RBFOX1: variants seen among roughly 807,000 people sequenced by gnomAD.
The protein encoded by RBFOX1 is RNA binding fox-1 homolog 1, also known as RNA binding protein fox-1 homolog 1.
In RBFOX1, 8 loss-of-function variants were observed where a neutral mutation model predicts 57.7. That is an observed-to-expected ratio of 0.14 (90% CI 0.08 to 0.25). RBFOX1 has a LOEUF of 0.25. Among genes scored for constraint, RBFOX1 ranks in the 10% least tolerant of loss-of-function variants. The pLI is 1.00. For synonymous variants in RBFOX1, 326 were observed against 222.4 expected, an observed-to-expected ratio of 1.47 and a Z score of -4.15; for missense variants, 611 against 548.5, an observed-to-expected ratio of 1.11 and a Z score of -1.14.
At chr16:6,844,570 T>A (rs1031405592) in intron 3 of RBFOX1, among the ~76,000 whole-genome samples, 2 of 152,146 alleles carry the variant, frequency 1.3e-5, no homozygotes, top group African/African-American at 4.8e-5. Context: ...CTTTTTTTTT[T>A]ATCCAGTCTT....
intron 4 of RBFOX1, among the ~76,000 whole-genome samples, chr16:7,183,172 G>A (rs1227356365): frequency 6.6e-6 from 1 of 152,188 alleles, no homozygotes; most frequent in Non-Finnish European, 1.5e-5. Flanking sequence ...AGAGTGGGTT[G>A]AGTCAGATAG....
intron 1 of RBFOX1, among the ~76,000 whole-genome samples, chr16:6,029,941 G>T (rs1204808036): frequency 6.6e-6 from 1 of 152,094 alleles, no homozygotes; most frequent in Non-Finnish European, 1.5e-5. Context: ...GAGACAGAGA[G>T]TCTCATTTGT....
chr16:6,921,680 G>C (rs1284128860), intron 3 of RBFOX1, among the ~76,000 whole-genome samples: 2 of 149,682 alleles, frequency 1.3e-5, no homozygotes, highest in Non-Finnish European at 3.0e-5. Context: ...TCAATCAATA[G>C]ACAGTATGGC....
chr16:7,365,401 A>T (rs564315933), intron 4 of RBFOX1, among the ~76,000 whole-genome samples: 1 of 152,354 alleles, frequency 6.6e-6, no homozygotes, highest in African/African-American at 2.4e-5. Context: ...ATAGCCAGGC[A>T]GGACAAAAGA....
intron 1 of RBFOX1, among the ~76,000 whole-genome samples, chr16:6,085,556 A>G (rs542533349): frequency 6.6e-6 from 1 of 152,188 alleles, no homozygotes; most frequent in Non-Finnish European, 1.5e-5. Context: ...GGCGTGAGCC[A>G]CTGTGCCCGA....
intron 3 of RBFOX1, among the ~76,000 whole-genome samples, chr16:6,856,089 ACCCTT>A (rs776613731): frequency 2.0e-5 from 3 of 149,476 alleles, no homozygotes; most frequent in Non-Finnish European, 1.5e-5. Flanking sequence ...TGAAATGAAG[ACCCTT>A]CCCTTCCCTT....
At chr16:7,146,732 T>C (rs1600947576) in intron 4 of RBFOX1, among the ~76,000 whole-genome samples, 1 of 151,708 alleles carries the variant, frequency 6.6e-6, no homozygotes, top group East Asian at 2.0e-4. Flanking sequence ...ACAGATCACT[T>C]GAGCCCAGGA....
At chr16:5,270,438 A>C (rs2062975822) in intron 1 of RBFOX1, 1 of 925,794 alleles carries the variant, frequency 1.1e-6, no homozygotes, top group South Asian at 1.3e-5. Context: ...CTGATTACTG[A>C]AGATGTTCAG....
At chr16:6,100,308 G>A (rs1238511324) in intron 1 of RBFOX1, among the ~76,000 whole-genome samples, 1 of 151,994 alleles carries the variant, frequency 6.6e-6, no homozygotes, top group South Asian at 2.1e-4. Context: ...GACTACAGGC[G>A]CCCGCCATTA....
At chr16:7,587,115 C>A (rs1602571832) in intron 6 of RBFOX1, 132 bp from the exon 7 acceptor site, 1 of 1,138,740 alleles carries the variant, frequency 8.8e-7, no homozygotes, top group East Asian at 3.1e-5. Flanking sequence ...AGCACATTAA[C>A]CATAAAACAT....
intron 4 of RBFOX1, among the ~76,000 whole-genome samples, chr16:7,286,411 G>C (rs981361304): frequency 1.3e-5 from 2 of 151,194 alleles, no homozygotes; most frequent in African/African-American, 4.9e-5. Flanking sequence ...AAAAGTGTCA[G>C]AGTGGGAATT....
intron 2 of RBFOX1, among the ~76,000 whole-genome samples, chr16:5,481,722 C>T (rs1408888591): frequency 6.6e-6 from 1 of 152,190 alleles, no homozygotes; most frequent in Non-Finnish European, 1.5e-5. Flanking sequence ...GACAACAGAA[C>T]TGCATTCTGC....
intron 3 of RBFOX1, among the ~76,000 whole-genome samples, chr16:5,726,444 C>T (rs2052155895): frequency 2.0e-5 from 3 of 152,212 alleles, no homozygotes; most frequent in Admixed American, 6.5e-5. Context: ...CCAAGGTCGC[C>T]ACCAGCAAGC....
chr16:5,490,879 C>A (rs2042805700), intron 2 of RBFOX1, among the ~76,000 whole-genome samples: 1 of 152,164 alleles, frequency 6.6e-6, no homozygotes, highest in African/African-American at 2.4e-5. Context: ...AACAAGGATA[C>A]GTCCTGGGAG....
At chr16:5,303,386 G>T (rs2063852025) in intron 1 of RBFOX1, among the ~76,000 whole-genome samples, 2 of 152,146 alleles carry the variant, frequency 1.3e-5, no homozygotes, top group Admixed American at 6.6e-5. Context: ...TAGTCTTTTG[G>T]AGTCTGTATT....
chr16:5,579,781 A>T (rs546241998), intron 2 of RBFOX1, among the ~76,000 whole-genome samples: 1 of 149,542 alleles, frequency 6.7e-6, no homozygotes, highest in South Asian at 2.1e-4. Context: ...TTTCCTTGAG[A>T]AGGAGTCTCG....
chr16:5,950,046 T>C (rs959648361), intron 4 of RBFOX1, among the ~76,000 whole-genome samples: 2 of 152,252 alleles, frequency 1.3e-5, no homozygotes, highest in Non-Finnish European at 2.9e-5. Flanking sequence ...ATTTAATTGC[T>C]CTAATCAATC....
intron 1 of RBFOX1, among the ~76,000 whole-genome samples, chr16:6,180,355 G>A (rs970310673): frequency 8.6e-5 from 13 of 151,644 alleles, no homozygotes; most frequent in African/African-American, 4.8e-5. Context: ...TTGGTAGTTT[G>A]TGTCTTTCCA....
chr16:7,005,388 A>G (rs1029666165), intron 3 of RBFOX1, among the ~76,000 whole-genome samples: 1 of 152,212 alleles, frequency 6.6e-6, no homozygotes, highest in African/African-American at 2.4e-5. Context: ...TGGCAAGGAA[A>G]CATCCCAATA....
Sources: allele counts gnomAD v4.1 joint callset (sites outside exome capture counted in the v4.1 genomes callset), GRCh38; gene constraint gnomAD v4.1.1; transcripts MANE v1.5; gene names NCBI Gene and HGNC (gene_info 2026-07-23, HGNC 2026-07-21).